EYS: variants seen among roughly 807,000 people sequenced by gnomAD.
EYS encodes the protein EGF-like photoreceptor maintenance factor.
In EYS, 250 loss-of-function variants were observed where a neutral mutation model predicts 282.1. The observed-to-expected ratio is 0.89, with a 90% CI of 0.80 to 0.98. The LOEUF is 0.98. EYS is among the 50% of genes least tolerant of loss of function. The pLI is 0.00. For synonymous variants in EYS, 1,355 were observed against 1,282.9 expected (o/e 1.06, Z -1.20); for missense variants, 4,016 against 3,709.0 (o/e 1.08, Z -2.15).
At chr6:65,260,708 A>C (rs1767597389) in intron 12 of EYS, among the ~76,000 whole-genome samples, 2 of 152,208 alleles carry the variant, frequency 1.3e-5, no homozygotes, top group South Asian at 4.1e-4. Flanking sequence ...TATATGTCAC[A>C]CAATATCCAA....
chr6:65,139,720 C>A (rs776529765), intron 12 of EYS, among the ~76,000 whole-genome samples: 2 of 152,012 alleles, frequency 1.3e-5, no homozygotes, highest in Non-Finnish European at 2.9e-5. Context: ...AGCAGAGGCC[C>A]AGTGAAAAGC....
chr6:65,005,115 A>G (rs1385534867), intron 13 of EYS, among the ~76,000 whole-genome samples: 1 of 147,650 alleles, frequency 6.8e-6, no homozygotes, highest in Non-Finnish European at 1.5e-5. Context: ...CTTGCCGTCC[A>G]CCACTGCTGT....
At chr6:65,660,622 T>G (rs1767972253) in intron 1 of EYS, among the ~76,000 whole-genome samples, 1 of 151,814 alleles carries the variant, frequency 6.6e-6, no homozygotes, top group Admixed American at 6.6e-5. Context: ...AATATATGTA[T>G]ACTCACACAA....
In EYS at chr6:64,093,230, A is replaced by G. The variant is rs535367008; in HGVS notation, c.6425-11228T>C. ...TCTTTTGGCTTAGGATTGACTTGAC[A>G]ATGTGGGCTCTTTTTTGGTTCCATA... is the stretch of plus-strand genomic sequence containing the variant. On this transcript the variant is annotated intron_variant, in intron 31 of 42. Transcript: ENST00000503581. 3.9e-5 allele frequency among the ~76,000 whole-genome samples: 6 copies of G among 152,058 alleles called. No individual in the cohort carries two copies. The East Asian group carries it at 1.2e-3, about 29-fold the overall frequency.
At chr6:64,331,278 A>C (rs1770636399) in intron 29 of EYS, among the ~76,000 whole-genome samples, 1 of 152,182 alleles carries the variant, frequency 6.6e-6, no homozygotes, top group Non-Finnish European at 1.5e-5. Context: ...GAAATCAAAA[A>C]TGAAAAGGAA....
chr6:63,863,843 T>G (rs1581908603), intron 36 of EYS, among the ~76,000 whole-genome samples: 1 of 151,906 alleles, frequency 6.6e-6, no homozygotes, highest in African/African-American at 2.4e-5. Flanking sequence ...GCCCGGCTAA[T>G]TTTTGTATTT....
At chr6:64,954,746 C>A (rs1769631989) in intron 14 of EYS, among the ~76,000 whole-genome samples, 1 of 152,058 alleles carries the variant, frequency 6.6e-6, no homozygotes, top group Non-Finnish European at 1.5e-5. Context: ...CAATTTTTCC[C>A]CCACCCCTGG....
intron 35 of EYS, among the ~76,000 whole-genome samples, chr6:63,888,703 A>C: frequency 6.6e-6 from 1 of 152,374 alleles, no homozygotes; most frequent in Non-Finnish European, 1.5e-5. Flanking sequence ...AAAAAGGCTA[A>C]AAATTCCAAA....
chr6:64,492,567 AT>A (rs1477623883), intron 26 of EYS, among the ~76,000 whole-genome samples: 1 of 151,140 alleles, frequency 6.6e-6, no homozygotes, highest in African/African-American at 2.4e-5. Context: ...AAGATTCTGG[AT>A]TTTAGTCATG....
chr6:65,450,067 T>C (rs1416016734), intron 5 of EYS, among the ~76,000 whole-genome samples: 2 of 152,138 alleles, frequency 1.3e-5, no homozygotes, highest in East Asian at 1.9e-4. Flanking sequence ...AAAAACAAGA[T>C]ATGTGTCTAA....
chr6:64,734,603 A>AT (rs1396275977), intron 22 of EYS, among the ~76,000 whole-genome samples: 1 of 152,140 alleles, frequency 6.6e-6, no homozygotes, highest in East Asian at 1.9e-4. Flanking sequence ...GCCATTTACA[A>AT]TTTTTTGTAA....
intron 23 of EYS, among the ~76,000 whole-genome samples, chr6:64,624,359 A>G (rs537405164): frequency 6.6e-6 from 1 of 152,312 alleles, no homozygotes; most frequent in African/African-American, 2.4e-5. Flanking sequence ...GATAAACAAA[A>G]TTTATATGGG....
intron 40 of EYS, among the ~76,000 whole-genome samples, chr6:63,776,893 C>T (rs1165603476): frequency 6.6e-6 from 1 of 152,134 alleles, no homozygotes; most frequent in African/African-American, 2.4e-5. Flanking sequence ...GACTACAACT[C>T]TTTAGATAAA....
At chr6:64,678,710 C>A (rs1260262584) in intron 22 of EYS, among the ~76,000 whole-genome samples, 3 of 151,688 alleles carry the variant, frequency 2.0e-5, no homozygotes, top group Non-Finnish European at 4.4e-5. Context: ...TTGAGGCCTG[C>A]ACAGTGGCTC....
intron 7 of EYS, among the ~76,000 whole-genome samples, chr6:65,390,005 A>T (rs1460444529): frequency 6.6e-6 from 1 of 151,994 alleles, no homozygotes; most frequent in African/African-American, 2.4e-5. Context: ...TTAAAAATTT[A>T]TGAAATTTTG....
chr6:65,491,886 G>A (rs1038089095), intron 4 of EYS, among the ~76,000 whole-genome samples: 2 of 151,774 alleles, frequency 1.3e-5, no homozygotes, highest in African/African-American at 4.9e-5. Context: ...TGTGACTGGT[G>A]TGCTTTCAAG....
chr6:64,805,964 TA>T (rs1015381404), intron 22 of EYS, among the ~76,000 whole-genome samples: 1 of 151,286 alleles, frequency 6.6e-6, no homozygotes, highest in East Asian at 1.9e-4. Flanking sequence ...GATGAAATTG[TA>T]AAAAAAATCT....
intron 15 of EYS, among the ~76,000 whole-genome samples, chr6:64,920,839 C>A (rs1768322484): frequency 6.6e-6 from 1 of 151,972 alleles, no homozygotes; most frequent in Non-Finnish European, 1.5e-5. Flanking sequence ...GTTACATAAG[C>A]AAAGTACTAA....
chr6:64,090,434 GT>G (rs1772315514), intron 31 of EYS, among the ~76,000 whole-genome samples: 1 of 152,034 alleles, frequency 6.6e-6, no homozygotes, highest in Non-Finnish European at 1.5e-5. Context: ...TCTTTGAAAT[GT>G]AATCTTTTTC....
Sources: allele counts gnomAD v4.1 joint callset (sites outside exome capture counted in the v4.1 genomes callset), GRCh38; gene constraint gnomAD v4.1.1; transcripts MANE v1.5; gene names NCBI Gene and HGNC (gene_info 2026-07-23, HGNC 2026-07-21).